The following C10orf90 variants were observed in gnomAD, a reference collection of about 807,000 sequenced individuals.
C10orf90 encodes the protein (E2-independent) E3 ubiquitin-conjugating enzyme FATS.
In C10orf90, 56 loss-of-function variants were observed where a neutral mutation model predicts 62.5. The ratio of observed to expected loss-of-function variants is 0.90; its 90% CI spans 0.72 to 1.12. The LOEUF is 1.12. Ranked by LOEUF, C10orf90 falls within the 50% of genes most tolerant of loss-of-function variation. The probability of loss-of-function intolerance (pLI) is 0.00; values close to 1 mark genes in which losing one functional copy is unlikely to be tolerated. For synonymous variants in C10orf90, 386 were observed against 340.4 expected, an observed-to-expected ratio of 1.13 and a Z score of -1.47; for missense variants, 970 against 880.4, an observed-to-expected ratio of 1.10 and a Z score of -1.29.
intron 1 of C10orf90, among the ~76,000 whole-genome samples, chr10:126,658,571 T>C (rs185585993): frequency 5.9e-5 from 9 of 152,362 alleles, no homozygotes; most frequent in African/African-American, 2.2e-4. Context: ...GTTAAAACTG[T>C]CATTGCACAA....
At chr10:126,589,693 G>A (rs1349767379) in intron 2 of C10orf90, among the ~76,000 whole-genome samples, 1 of 152,182 alleles carries the variant, frequency 6.6e-6, no homozygotes, top group Admixed American at 6.5e-5. Flanking sequence ...CCTTGTAAGA[G>A]CTCCTGAAGG....
chr10:126,567,260 G>C (rs1844412707), intron 2 of C10orf90, among the ~76,000 whole-genome samples: 1 of 152,186 alleles, frequency 6.6e-6, no homozygotes, highest in African/African-American at 2.4e-5. Flanking sequence ...TTCCTTCATA[G>C]TGAAAGGCGA....
intron 2 of C10orf90, among the ~76,000 whole-genome samples, chr10:126,532,859 AGTG>A (rs1564860242): frequency 0.032 from 938 of 29,102 alleles, 202 homozygotes; most frequent in Non-Finnish European, 0.09. Flanking sequence ...AAAAAAAAAT[AGTG>A]AGCACAAAAC....
At chr10:126,443,059 T>C (rs1328211326) in intron 7 of C10orf90, among the ~76,000 whole-genome samples, 1 of 151,872 alleles carries the variant, frequency 6.6e-6, no homozygotes, top group Non-Finnish European at 1.5e-5. Context: ...TCAAAAAGAC[T>C]GAAAGAGCAC....
chr10:126,469,405 A>G (rs1339520615), intron 4 of C10orf90, among the ~76,000 whole-genome samples: 1 of 152,126 alleles, frequency 6.6e-6, no homozygotes, highest in Non-Finnish European at 1.5e-5. Flanking sequence ...CCACTCAACC[A>G]AAAAGACCTC....
intron 2 of C10orf90, among the ~76,000 whole-genome samples, chr10:126,599,957 A>C (rs1220853491): frequency 6.6e-6 from 1 of 152,220 alleles, no homozygotes; most frequent in Non-Finnish European, 1.5e-5. Flanking sequence ...TCAGTCAGAA[A>C]GTGTTTCAAT....
chr10:126,620,353 G>A (rs1330581240), intron 2 of C10orf90, among the ~76,000 whole-genome samples: 3 of 152,162 alleles, frequency 2.0e-5, no homozygotes, highest in Middle Eastern at 3.4e-3. Flanking sequence ...GCCACACACC[G>A]GGTGACTACA....
intron 4 of C10orf90, among the ~76,000 whole-genome samples, chr10:126,486,317 T>A (rs1861432896): frequency 6.6e-6 from 1 of 152,186 alleles, no homozygotes; most frequent in Non-Finnish European, 1.5e-5. Context: ...GAGAGAAGCA[T>A]GGAAATCCCA....
chr10:126,495,859 G>T (rs1862018419), intron 4 of C10orf90, among the ~76,000 whole-genome samples: 1 of 152,078 alleles, frequency 6.6e-6, no homozygotes, highest in African/African-American at 2.4e-5. Context: ...TTCACTTCCT[G>T]TGGACAGCTT....
At chr10:126,619,926 C>T (rs1165932731) in intron 2 of C10orf90, among the ~76,000 whole-genome samples, 1 of 152,146 alleles carries the variant, frequency 6.6e-6, no homozygotes, top group Non-Finnish European at 1.5e-5. Context: ...AACCACTGCA[C>T]CTAGTCATTT....
intron 4 of C10orf90, among the ~76,000 whole-genome samples, chr10:126,492,140 C>T (rs1861800660): frequency 6.6e-6 from 1 of 152,138 alleles, no homozygotes; most frequent in African/African-American, 2.4e-5. Flanking sequence ...CAGTAGTGTA[C>T]CAATATTAAT....
In C10orf90 at chr10:126,453,827, C is replaced by T. The variant is rs1859358709; in HGVS notation, c.2188+5213G>A. 6.6e-6 allele frequency among the ~76,000 whole-genome samples: 1 copy of T among 152,042 alleles called. No individual in the cohort carries two copies. The highest frequency in any genetic ancestry group is 2.1e-4 in the South Asian group (1 of 4,816). The stretch of plus-strand genomic sequence containing the variant: ...TGCAAGGTTAGGCAGGATTTTATAG[C>T]ACAGAGAGGAGGAACAGACAGGCTT... On this transcript the variant is annotated intron_variant, in intron 7 of 9. Coordinates refer to ENST00000488181, the MANE Select transcript of C10orf90 (RefSeq NM_001350921.2). This position sits in a 1 kb window ranked among gnomAD's most constrained non-coding sequence, Gnocchi z 4.9.
intron 2 of C10orf90, among the ~76,000 whole-genome samples, chr10:126,603,849 G>C (rs1845250689): frequency 1.3e-5 from 2 of 152,156 alleles, no homozygotes; most frequent in African/African-American, 4.8e-5. Flanking sequence ...GGAAGCATCT[G>C]CTGCGTGACA....
intron 1 of C10orf90, among the ~76,000 whole-genome samples, chr10:126,663,570 C>T (rs189156885): frequency 3.3e-5 from 5 of 152,108 alleles, no homozygotes; most frequent in African/African-American, 7.2e-5. Flanking sequence ...GTTCCATCTC[C>T]GTCTCTCAGC....
intron 4 of C10orf90, among the ~76,000 whole-genome samples, chr10:126,472,542 G>A (rs958220684): frequency 6.6e-6 from 1 of 152,088 alleles, no homozygotes; most frequent in African/African-American, 2.4e-5. Context: ...CTTGGGTGGT[G>A]GGCTCCTTGC....
chr10:126,540,186 T>C (rs939075692), intron 2 of C10orf90, among the ~76,000 whole-genome samples: 1 of 152,094 alleles, frequency 6.6e-6, no homozygotes, highest in African/African-American at 2.4e-5. Flanking sequence ...AAAAGTATCA[T>C]AAAATTATAG....
intron 2 of C10orf90, among the ~76,000 whole-genome samples, chr10:126,559,131 G>A (rs1464777860): frequency 6.6e-6 from 1 of 152,180 alleles, no homozygotes; most frequent in Non-Finnish European, 1.5e-5. Context: ...TATATACCTG[G>A]CTGTGTTGTT....
chr10:126,472,186 A>T (rs1193395583), intron 4 of C10orf90, among the ~76,000 whole-genome samples: 1 of 152,200 alleles, frequency 6.6e-6, no homozygotes, highest in Non-Finnish European at 1.5e-5. Context: ...AGTTTCCCAA[A>T]GTGACCCTTT....
At position 126,642,259 on chromosome 10, in the gene C10orf90, G is replaced by A. The variant is rs572928398; in HGVS notation, c.313+4306C>T. Among the ~76,000 whole-genome samples, 16 of 152,300 alleles carry A rather than the reference G, an allele frequency of 1.1e-4. No individual in the cohort carries two copies. The South Asian group carries it at 2.1e-3, about 20-fold the overall frequency. ...TTCAATTTAAAAGACAAGGCTGGGT[G>A]CGGTGGCTCACGCTTGTAATCCCAG... On this transcript the variant is annotated intron_variant, in intron 2 of 9. Transcript: ENST00000488181.
Sources: gnomAD v4.1 joint callset for allele counts (sites outside exome capture counted in the v4.1 genomes callset) on GRCh38, gnomAD v4.1.1 for gene constraint, Gnocchi (gnomAD v3.1) non-coding constraint, MANE v1.5 for transcripts, NCBI Gene and HGNC (gene_info 2026-07-23, HGNC 2026-07-21) for gene names.